The following PDE7B variants were observed in gnomAD, a reference collection of about 807,000 sequenced individuals.
The protein encoded by PDE7B is phosphodiesterase 7B, also known as 3',5'-cyclic-AMP phosphodiesterase 7B.
Under a neutral mutation model 56.2 loss-of-function variants are expected in PDE7B, and 29 were observed. That is an observed-to-expected ratio of 0.52 (90% CI 0.38 to 0.70). The LOEUF (loss-of-function observed/expected upper bound fraction) is 0.70. Among genes scored for constraint, PDE7B ranks in the 30% least tolerant of loss-of-function variants. The pLI is 0.00. For missense variants in PDE7B, 490 were observed against 565.0 expected, an observed-to-expected ratio of 0.87 and a Z score of 1.35; for synonymous variants, 197 against 196.9, an observed-to-expected ratio of 1.00 and a Z score of 0.00.
chr6:136,132,177 T>C (rs1487046057), intron 3 of PDE7B, among the ~76,000 whole-genome samples: 2 of 152,136 alleles, frequency 1.3e-5, no homozygotes, highest in Non-Finnish European at 2.9e-5. Flanking sequence ...TCCATACCCC[T>C]TGAACAGTGA....
intron 10 of PDE7B, 80 bp from the exon 11 acceptor site, chr6:136,181,147 G>A: frequency 1.1e-6 from 1 of 946,128 alleles, no homozygotes. Context: ...TGAACAGCTT[G>A]ATAGCCTCTT....
chr6:136,012,661 A>G (rs986161682), intron 2 of PDE7B: 1 of 152,192 alleles, frequency 6.6e-6, no homozygotes. Context: ...GAACTCCCTC[A>G]CTATCAGGAG....
At chr6:136,176,031 A>G (rs1778971381) in intron 9 of PDE7B, among the ~76,000 whole-genome samples, 1 of 152,116 alleles carries the variant, frequency 6.6e-6, no homozygotes, top group African/African-American at 2.4e-5. Flanking sequence ...ATTAGTATGC[A>G]TCCTTTACTT....
chr6:136,169,990 G>A (rs1348283081), intron 8 of PDE7B, among the ~76,000 whole-genome samples: 1 of 152,172 alleles, frequency 6.6e-6, no homozygotes, highest in African/African-American at 2.4e-5. Context: ...TCAGCCTCAT[G>A]AAACTTACCT....
At chr6:135,944,623 G>C (rs532413774) in intron 1 of PDE7B, among the ~76,000 whole-genome samples, 1 of 152,154 alleles carries the variant, frequency 6.6e-6, no homozygotes, top group African/African-American at 2.4e-5. Context: ...TGATGAGCTT[G>C]TCTAGCCAGT....
chr6:136,015,902 AG>A (rs1252378187), intron 2 of PDE7B, among the ~76,000 whole-genome samples: 1 of 152,230 alleles, frequency 6.6e-6, no homozygotes. Context: ...AACTCATGCA[AG>A]GATCTACGAG....
chr6:136,009,266 C>T (rs1583826191), intron 2 of PDE7B, among the ~76,000 whole-genome samples: 1 of 151,832 alleles, frequency 6.6e-6, no homozygotes. Context: ...AGTCAGGTAG[C>T]ATGATGCCTC....
At chr6:135,931,335 T>G (rs1480850680) in intron 1 of PDE7B, among the ~76,000 whole-genome samples, 1 of 152,326 alleles carries the variant, frequency 6.6e-6, no homozygotes, top group South Asian at 2.1e-4. Flanking sequence ...TGATAGCACA[T>G]GAATTATGTA....
chr6:136,011,470 T>A (rs1369567399), intron 2 of PDE7B, among the ~76,000 whole-genome samples: 1 of 152,258 alleles, frequency 6.6e-6, no homozygotes, highest in South Asian at 2.1e-4. Context: ...TTTTCATTTT[T>A]AAACAGATCT....
chr6:136,169,032 T>C (rs1265922538), intron 8 of PDE7B, among the ~76,000 whole-genome samples: 4 of 152,120 alleles, frequency 2.6e-5, no homozygotes, highest in Non-Finnish European at 4.4e-5. Context: ...GAGCTTAGGT[T>C]TGAGTCTGCA....
At chr6:136,092,212 G>A (rs1777398722) in intron 2 of PDE7B, among the ~76,000 whole-genome samples, 1 of 152,120 alleles carries the variant, frequency 6.6e-6, no homozygotes, top group Non-Finnish European at 1.5e-5. Flanking sequence ...TAATTTTTCA[G>A]TATATATGTA....
At chr6:135,866,473 G>C (rs1775263589) in intron 1 of PDE7B, among the ~76,000 whole-genome samples, 1 of 152,116 alleles carries the variant, frequency 6.6e-6, no homozygotes, top group South Asian at 2.1e-4. Context: ...CTTGCCAGTA[G>C]TACTTTAACA....
intron 1 of PDE7B, among the ~76,000 whole-genome samples, chr6:135,888,373 A>G (rs1023944806): frequency 6.6e-6 from 1 of 152,200 alleles, no homozygotes; most frequent in Admixed American, 6.6e-5. Flanking sequence ...ACTTAGAGCT[A>G]TGCTACTGGA....
chr6:135,991,530 A>T (rs1052403514), intron 2 of PDE7B, among the ~76,000 whole-genome samples: 4 of 152,196 alleles, frequency 2.6e-5, no homozygotes, highest in African/African-American at 9.7e-5. Context: ...ATTGTTCTCA[A>T]GTGGCTACTT....
intron 1 of PDE7B, among the ~76,000 whole-genome samples, chr6:135,930,988 C>A (rs1774283086): frequency 4.6e-5 from 7 of 152,172 alleles, no homozygotes; most frequent in Admixed American, 4.6e-4. Context: ...ACTAACCTAA[C>A]CACATATTTG....
Position 135,898,071 on chromosome 6 carries a change from C to T in PDE7B, c.21+46052C>T, listed in dbSNP as rs183443262. ...GACCACTTCTGATGTTTTACTGATTCGAACTATGTCACATGGTCACTCATA... is the reference window on the plus strand; with the variant it reads ...GACCACTTCTGATGTTTTACTGATTTGAACTATGTCACATGGTCACTCATA... On this transcript the variant is annotated intron_variant, in intron 1 of 12. Coordinates refer to ENST00000308191, the MANE Select transcript of PDE7B (RefSeq NM_018945.4). Among the ~76,000 whole-genome samples the T allele has an allele frequency of 2.8e-3, 427 of 152,264 alleles. 7 individuals carry two copies. The highest frequency in any genetic ancestry group is 0.025 in the Admixed American group (384 of 15,286).
intron 2 of PDE7B, among the ~76,000 whole-genome samples, chr6:136,005,597 T>C (rs1214231952): frequency 2.6e-5 from 4 of 152,032 alleles, no homozygotes; most frequent in Non-Finnish European, 4.4e-5. Context: ...AAAAAACACA[T>C]GAAAAAATGC....
intron 2 of PDE7B, chr6:136,094,912 T>C (rs1375199566): frequency 6.6e-6 from 1 of 152,328 alleles, no homozygotes; most frequent in East Asian, 1.9e-4. Flanking sequence ...CAAAGGGTGA[T>C]GATACCAGAG....
intron 1 of PDE7B, among the ~76,000 whole-genome samples, chr6:135,892,408 T>C (rs1404114413): frequency 6.6e-6 from 1 of 152,196 alleles, no homozygotes; most frequent in Non-Finnish European, 1.5e-5. Flanking sequence ...TAATGCATTA[T>C]TTTTATAGCT....
Sources: gnomAD v4.1 joint callset for allele counts (sites outside exome capture counted in the v4.1 genomes callset) on GRCh38, gnomAD v4.1.1 for gene constraint, MANE v1.5 for transcripts, NCBI Gene and HGNC (gene_info 2026-07-23, HGNC 2026-07-21) for gene names.